Variants in EDA observed in about 807,000 individuals in gnomAD.
EDA encodes ectodysplasin A.
EDA carries 2 observed loss-of-function variants against 23.6 expected under a neutral mutation model. The observed-to-expected ratio is 0.08, with a 90% CI of 0.03 to 0.27. EDA has a LOEUF of 0.27. EDA is among the 10% of genes least tolerant of loss of function. The pLI is 1.00. For synonymous variants in EDA, 131 were observed against 132.0 expected (o/e 0.99, Z 0.05); for missense variants, 229 against 324.2 (o/e 0.71, Z 2.26).
At chrX:69,921,548 G>T (rs1194188263) in intron 1 of EDA, among the ~76,000 whole-genome samples, 4 of 110,153 alleles carry the variant, frequency 3.6e-5, no homozygotes, top group Non-Finnish European at 7.6e-5. Context: ...TTGATCATCC[G>T]ATTCCAATTT....
In EDA at chrX:70,035,712, C is replaced by T. The variant is rs2020258831; in HGVS notation, c.*103C>T. 1.5e-5 allele frequency: 15 copies of T among 1,016,633 alleles called. No homozygotes were observed. Among genetic ancestry groups the T allele is most frequent in the Non-Finnish European group, 1.9e-5 (14 of 735,736 alleles). 83.8% of individuals were successfully genotyped at this position (1,016,633 alleles called of 1,213,427 possible). A position where few individuals can be genotyped will look rare whatever the true frequency, so the allele number is the denominator to read the frequency against. ...TGTGGAGTGAGGTGTATTGGTGTTG[C>T]AGCCGCAGAGAAATGCCCCAGTGTT... On this transcript the variant is annotated 3_prime_UTR_variant, in exon 8 of 8. Coordinates refer to ENST00000374552, the MANE Select transcript of EDA (RefSeq NM_001399.5).
At chrX:69,928,399 T>C (rs1179448833) in intron 1 of EDA, among the ~76,000 whole-genome samples, 1 of 112,084 alleles carries the variant, frequency 8.9e-6, no homozygotes, top group African/African-American at 3.2e-5. Context: ...TCCACAGTAG[T>C]ATTTTGGTCA....
intron 1 of EDA, among the ~76,000 whole-genome samples, chrX:69,763,279 T>C (rs1294056461): frequency 1.8e-5 from 2 of 112,241 alleles, no homozygotes; most frequent in Non-Finnish European, 3.8e-5. Context: ...GTATATCCAT[T>C]TTAGACTGGC....
intron 1 of EDA, among the ~76,000 whole-genome samples, chrX:69,696,652 A>T (rs2011357858): frequency 9.0e-6 from 1 of 111,711 alleles, no homozygotes; most frequent in Non-Finnish European, 1.9e-5. Context: ...AGGATTTTCA[A>T]CTCTTAGTAA....
intron 1 of EDA, among the ~76,000 whole-genome samples, chrX:69,648,173 A>G (rs541567357): frequency 1.8e-5 from 2 of 112,156 alleles, no homozygotes; most frequent in African/African-American, 6.5e-5. Flanking sequence ...GAAGAATGGG[A>G]TCAGAAGCCC....
chrX:69,827,703 C>G (rs1403459882), intron 1 of EDA, among the ~76,000 whole-genome samples: 1 of 112,318 alleles, frequency 8.9e-6, no homozygotes, highest in Non-Finnish European at 1.9e-5. Flanking sequence ...CTCAGCTCGT[C>G]AAAGTCATTC....
At position 69,957,845 on chromosome X, in the gene EDA, T is replaced by A. The variant is rs779650643; in HGVS notation, c.502+713T>A. On this transcript the variant is annotated intron_variant, in intron 2 of 7. Coordinates refer to ENST00000374552, the MANE Select transcript of EDA (RefSeq NM_001399.5). ...TTACATGATGTGTTAATTCCAATGA[T>A]AATTTTATCAATGTTGGTATCCACT... 4.5e-5 allele frequency among the ~76,000 whole-genome samples: 5 copies of A among 112,226 alleles called. No homozygotes were observed. In the South Asian group the frequency reaches 1.9e-3, roughly 42 times the overall value.
At chrX:70,015,282 A>G (rs759681767) in intron 2 of EDA, among the ~76,000 whole-genome samples, 10 of 112,141 alleles carry the variant, frequency 8.9e-5, no homozygotes, top group Non-Finnish European at 1.9e-4. Context: ...CTTAAAGAAA[A>G]GAAACTCCGG....
At chrX:69,720,802 T>A (rs1426542131) in intron 1 of EDA, among the ~76,000 whole-genome samples, 1 of 112,872 alleles carries the variant, frequency 8.9e-6, no homozygotes, top group East Asian at 2.8e-4. Context: ...ATTGTTATAA[T>A]AGCTGCTTTC....
At position 69,753,902 on chromosome X, in the gene EDA, C is replaced by CTT. The variant is rs139964978; in HGVS notation, c.396+137207_396+137208dup. On this transcript the variant is annotated intron_variant, in intron 1 of 7. Transcript: ENST00000374552. ...TCAGAGACTAGGATTGCAATCCCTGCTTTTTTTTTTCCATTTGCTTGGTAT... is the reference window on the plus strand; with the variant it reads ...TCAGAGACTAGGATTGCAATCCCTGCTTTTTTTTTTTTCCATTTGCTTGGTAT... Among the ~76,000 whole-genome samples the CTT allele has an allele frequency of 1.7e-3, 171 of 102,821 alleles. 1 individual carries two copies. Among genetic ancestry groups the CTT allele is most frequent in the Admixed American group, 3.9e-3 (37 of 9,474 alleles). The allele number at this position is 102,821 out of a possible 115,157, so 89.3% of individuals were successfully genotyped here.
chrX:69,886,084 C>A (rs62605774), intron 1 of EDA, among the ~76,000 whole-genome samples: 21,490 of 111,452 alleles, frequency 0.19, 1,555 homozygotes, highest in South Asian at 0.23. Context: ...CATCTTCAGC[C>A]TCACCCAGCT....
intron 1 of EDA, among the ~76,000 whole-genome samples, chrX:69,781,772 G>C (rs1164146800): frequency 9.0e-6 from 1 of 110,714 alleles, no homozygotes; most frequent in East Asian, 2.8e-4. Flanking sequence ...ATATCTGTTA[G>C]ACAGAAATTC....
chrX:69,957,536 T>C (rs963328288), intron 2 of EDA: 43 of 173,847 alleles, frequency 2.5e-4, no homozygotes, highest in Non-Finnish European at 4.0e-4. Context: ...TTCATCATCT[T>C]ATATACTGTC....
intron 2 of EDA, among the ~76,000 whole-genome samples, chrX:69,987,877 G>A (rs1472895270): frequency 9.0e-6 from 1 of 111,499 alleles, no homozygotes; most frequent in East Asian, 2.8e-4. Context: ...GTCAGAAGCA[G>A]ATGGTGCTCC....
chrX:69,658,127 G>A (rs1933372739), intron 1 of EDA, among the ~76,000 whole-genome samples: 1 of 110,459 alleles, frequency 9.1e-6, no homozygotes, highest in African/African-American at 3.3e-5. Flanking sequence ...GTTTGCTTGT[G>A]TCATCTCTGA....
chrX:69,856,367 G>A (rs1276726637), intron 1 of EDA, among the ~76,000 whole-genome samples: 2 of 104,504 alleles, frequency 1.9e-5, no homozygotes, highest in Non-Finnish European at 3.9e-5. Context: ...TATTTTCCTC[G>A]AGGTAGATAC....
intron 1 of EDA, among the ~76,000 whole-genome samples, chrX:69,820,866 C>A (rs1309929928): frequency 1.1e-4 from 12 of 111,548 alleles, no homozygotes; most frequent in Non-Finnish European, 1.1e-4. Flanking sequence ...TACTATTTGA[C>A]CCAGTAATCC....
At chrX:69,859,662 G>A (rs1242848240) in intron 1 of EDA, among the ~76,000 whole-genome samples, 1 of 111,791 alleles carries the variant, frequency 8.9e-6, no homozygotes, top group Non-Finnish European at 1.9e-5. Flanking sequence ...CGATTTTAGA[G>A]TATGTGCCAT....
At chrX:69,829,179 C>G (rs1184432435) in intron 1 of EDA, among the ~76,000 whole-genome samples, 2 of 112,298 alleles carry the variant, frequency 1.8e-5, no homozygotes, top group Non-Finnish European at 3.8e-5. Flanking sequence ...CTATCTTGTT[C>G]ATAGGTAAAT....
Sources: gnomAD v4.1 joint callset for allele counts (sites outside exome capture counted in the v4.1 genomes callset) on GRCh38, gnomAD v4.1.1 for gene constraint, MANE v1.5 for transcripts, NCBI Gene and HGNC (gene_info 2026-07-23, HGNC 2026-07-21) for gene names.